The following COL21A1 variants were observed in gnomAD, a reference collection of about 807,000 sequenced individuals.
The protein encoded by COL21A1 is collagen alpha-1(XXI) chain.
In COL21A1, 149 loss-of-function variants were observed where a neutral mutation model predicts 137.9. That is an observed-to-expected ratio of 1.08 (90% CI 0.95 to 1.24). The LOEUF is 1.24. Among genes scored for constraint, COL21A1 ranks in the 50% most tolerant of loss-of-function variants. COL21A1 has a pLI of 0.00. For synonymous variants in COL21A1, 456 were observed against 391.5 expected (o/e 1.16, Z -1.95); for missense variants, 1,167 against 1,158.4 (o/e 1.01, Z -0.11).
At chr6:56,109,886 A>C (rs2397202) in intron 16 of COL21A1, among the ~76,000 whole-genome samples, 1 of 152,016 alleles carries the variant, frequency 6.6e-6, no homozygotes, top group Non-Finnish European at 1.5e-5. Flanking sequence ...CACACAACAC[A>C]CCTGCAAAGC....
At chr6:56,083,486 C>A (rs1767970027) in intron 17 of COL21A1, among the ~76,000 whole-genome samples, 1 of 151,832 alleles carries the variant, frequency 6.6e-6, no homozygotes, top group Non-Finnish European at 1.5e-5. Context: ...ATAAAATTTC[C>A]ATCTCAAGGA....
At chr6:56,355,485 G>GT (rs1765809406) in intron 1 of COL21A1, among the ~76,000 whole-genome samples, 1 of 152,154 alleles carries the variant, frequency 6.6e-6, no homozygotes, top group South Asian at 2.1e-4. Context: ...TCAACCAATT[G>GT]TAACACATAA....
intron 1 of COL21A1, among the ~76,000 whole-genome samples, chr6:56,326,001 C>CAT (rs1765079355): frequency 3.9e-4 from 1 of 2,576 alleles, no homozygotes; most frequent in East Asian, 4.5e-3. Context: ...TATATACATA[C>CAT]ATATATTATG....
At chr6:56,321,068 T>C (rs913947349) in intron 1 of COL21A1, among the ~76,000 whole-genome samples, 2 of 152,138 alleles carry the variant, frequency 1.3e-5, no homozygotes, top group African/African-American at 4.8e-5. Context: ...AAGTAGCTCA[T>C]CCACTAGGAG....
At chr6:56,093,036 CT>C (rs1768987665) in intron 17 of COL21A1, among the ~76,000 whole-genome samples, 3 of 152,254 alleles carry the variant, frequency 2.0e-5, no homozygotes, top group South Asian at 2.1e-4. Context: ...AAATTTTCCT[CT>C]GCCTCTCTCT....
At chr6:56,353,027 G>A (rs12202656) in intron 1 of COL21A1, among the ~76,000 whole-genome samples, 39,740 of 151,774 alleles carry the variant, frequency 0.26, 6,441 homozygotes, top group East Asian at 0.72. Flanking sequence ...GCCACAGAGC[G>A]AGACTCTGTT....
chr6:56,198,752 A>G (rs1466112328), intron 1 of COL21A1, among the ~76,000 whole-genome samples: 1 of 152,156 alleles, frequency 6.6e-6, no homozygotes, highest in Non-Finnish European at 1.5e-5. Flanking sequence ...TCTCAGTAAG[A>G]AATTAAATGG....
intron 9 of COL21A1, among the ~76,000 whole-genome samples, chr6:56,158,253 C>CTTTTTTTTTTTCT (rs1775911506): frequency 5.7e-5 from 6 of 104,906 alleles, no homozygotes; most frequent in African/African-American, 2.2e-4. Context: ...TGGGTTTTTT[C>CTTTTTTTTTTTCT]TTTTTTTTTT....
At chr6:56,260,680 G>GC in intron 1 of COL21A1, among the ~76,000 whole-genome samples, 29 of 126,116 alleles carry the variant, frequency 2.3e-4, no homozygotes, top group African/African-American at 1.0e-3. Context: ...AGGAAGGAAG[G>GC]AAGGAAGGAA....
intron 1 of COL21A1, among the ~76,000 whole-genome samples, chr6:56,188,256 C>A (rs1778425303): frequency 6.6e-6 from 1 of 152,080 alleles, no homozygotes; most frequent in Admixed American, 6.6e-5. Flanking sequence ...TAAACTATGG[C>A]CAATGATTTT....
At chr6:56,225,104 T>A (rs1192400982) in intron 1 of COL21A1, among the ~76,000 whole-genome samples, 1 of 152,012 alleles carries the variant, frequency 6.6e-6, no homozygotes, top group Non-Finnish European at 1.5e-5. Context: ...AACCACTAAA[T>A]TAGTTTAAAC....
At position 56,145,190 on chromosome 6, in the gene COL21A1, T is replaced by C. The variant is rs770651217; in HGVS notation, c.1435-3207A>G. On this transcript the variant is annotated intron_variant, in intron 10 of 29. Coordinates refer to ENST00000244728, the MANE Select transcript of COL21A1 (RefSeq NM_030820.4). ...AGATCTAATGCTAAACATGCAAACA[T>C]GGCCTCAGTGTATTTTGTAATGGCT... 1.6e-3 allele frequency among the ~76,000 whole-genome samples: 248 copies of C among 152,302 alleles called. 1 individual carries two copies. The highest frequency in any genetic ancestry group is 1.8e-3 in the Non-Finnish European group (124 of 68,018).
chr6:56,141,099 C>A (rs1285639548), intron 12 of COL21A1, among the ~76,000 whole-genome samples: 2 of 152,032 alleles, frequency 1.3e-5, no homozygotes, highest in East Asian at 3.9e-4. Flanking sequence ...TAAAACTCAA[C>A]TAAAGAATGA....
chr6:56,266,150 T>A (rs979638710), intron 1 of COL21A1, among the ~76,000 whole-genome samples: 3 of 152,138 alleles, frequency 2.0e-5, no homozygotes, highest in African/African-American at 7.2e-5. Flanking sequence ...AGACAGTGAA[T>A]TAGTGTTATC....
chr6:56,354,744 C>T (rs756572082), intron 1 of COL21A1, among the ~76,000 whole-genome samples: 2 of 152,052 alleles, frequency 1.3e-5, no homozygotes, highest in Non-Finnish European at 2.9e-5. Flanking sequence ...GTGGTGCATG[C>T]CTGCAGCCCC....
At chr6:56,183,074 A>T (rs1369050544) in intron 1 of COL21A1, among the ~76,000 whole-genome samples, 1 of 152,208 alleles carries the variant, frequency 6.6e-6, no homozygotes, top group Non-Finnish European at 1.5e-5. Context: ...TCTAAGATAC[A>T]GCTGATGGAA....
At position 56,056,778 on chromosome 6, in the gene COL21A1, TTTTC is replaced by T. The variant is rs1765381988; in HGVS notation, c.*875_*878del. 1 of 152,214 alleles carries T rather than the reference TTTTC, an allele frequency of 6.6e-6. No individual in the cohort carries two copies. The highest frequency in any genetic ancestry group is 2.1e-4 in the South Asian group (1 of 4,834). The allele number at this position is 152,214 out of a possible 1,614,324, so 9.4% of individuals were successfully genotyped here. A position where few individuals can be genotyped will look rare whatever the true frequency, so the allele number is the denominator to read the frequency against. On this transcript the variant is annotated 3_prime_UTR_variant, in exon 30 of 30. Transcript: ENST00000244728. ...CATTCTAGGATTTCAGGAGTTTTCCTTTTCTTTCAACTAGAGCATTAGCTTTATT... is the reference window on the plus strand; with the variant it reads ...CATTCTAGGATTTCAGGAGTTTTCCTTTTCAACTAGAGCATTAGCTTTATT...
rs140359063 is a variant in COL21A1, at chr6:56,272,692, G to T, written c.-38-90036C>A. ...TGGGAAGTGATTGGATCATGGGGGT[G>T]GTTTCCCATGCTGTTCTCATGATAA... is the stretch of plus-strand genomic sequence containing the variant. On this transcript the variant is annotated intron_variant, in intron 1 of 28. Transcript: ENST00000370819. Among the ~76,000 whole-genome samples, 4 of 152,124 alleles carry T rather than the reference G, an allele frequency of 2.6e-5. No individual in the cohort carries two copies. The East Asian group carries it at 7.8e-4, about 30-fold the overall frequency.
chr6:56,367,082 T>C (rs1766117991), intron 1 of COL21A1, among the ~76,000 whole-genome samples: 1 of 152,212 alleles, frequency 6.6e-6, no homozygotes, highest in Non-Finnish European at 1.5e-5. Flanking sequence ...TTTTAATGGC[T>C]CATCAGAAAC....
Sources: gnomAD v4.1 joint callset for allele counts (sites outside exome capture counted in the v4.1 genomes callset) on GRCh38, gnomAD v4.1.1 for gene constraint, MANE v1.5 for transcripts, NCBI Gene and HGNC (gene_info 2026-07-23, HGNC 2026-07-21) for gene names.